GSK3B: variants seen among roughly 807,000 people sequenced by gnomAD.
The protein encoded by GSK3B is glycogen synthase kinase-3 beta.
In GSK3B, 15 loss-of-function variants were observed where a neutral mutation model predicts 56.4. The ratio of observed to expected loss-of-function variants is 0.27; its 90% confidence interval spans 0.18 to 0.41. The LOEUF (loss-of-function observed/expected upper bound fraction) is 0.41. Among genes scored for constraint, GSK3B ranks in the 10% least tolerant of loss-of-function variants. The pLI is 1.00. For missense variants in GSK3B, 300 were observed against 513.4 expected (o/e 0.58, Z 4.02); for synonymous variants, 181 against 188.9 (o/e 0.96, Z 0.34).
intron 2 of GSK3B, among the ~76,000 whole-genome samples, chr3:119,984,395 TAA>T (rs36165954): frequency 0.028 from 4,014 of 142,054 alleles, 186 homozygotes; most frequent in African/African-American, 0.093. Flanking sequence ...AGAAAAACCT[TAA>T]AAAAAAAAAA....
intron 3 of GSK3B, among the ~76,000 whole-genome samples, chr3:119,934,533 G>C (rs1388558263): frequency 6.6e-6 from 1 of 152,062 alleles, no homozygotes; most frequent in Non-Finnish European, 1.5e-5. Context: ...TTGTAATGAG[G>C]GATCCTCAAT....
At chr3:119,864,591 T>G (rs1374161170) in intron 8 of GSK3B, among the ~76,000 whole-genome samples, 3 of 152,122 alleles carry the variant, frequency 2.0e-5, no homozygotes, top group African/African-American at 7.2e-5. Context: ...AAGTAGACAC[T>G]TATAAATGGA....
chr3:119,843,718 A>T (rs1156608870), intron 9 of GSK3B: 1 of 157,786 alleles, frequency 6.3e-6, no homozygotes, highest in Non-Finnish European at 1.4e-5. Flanking sequence ...CCCACACAAT[A>T]ACAGTGGGAG....
chr3:119,882,291 G>C (rs2056388668), intron 7 of GSK3B, among the ~76,000 whole-genome samples: 1 of 151,846 alleles, frequency 6.6e-6, no homozygotes, highest in Non-Finnish European at 1.5e-5. Context: ...TTTATTTAAG[G>C]TATACCATGT....
chr3:119,870,734 G>C (rs773297640), intron 8 of GSK3B, among the ~76,000 whole-genome samples: 2 of 152,158 alleles, frequency 1.3e-5, no homozygotes, highest in Non-Finnish European at 2.9e-5. Context: ...CATACTATAT[G>C]TATTTGTGAG....
chr3:119,967,596 T>C (rs1470486957), intron 2 of GSK3B, among the ~76,000 whole-genome samples: 5 of 152,152 alleles, frequency 3.3e-5, no homozygotes, highest in Non-Finnish European at 7.4e-5. Flanking sequence ...CAAAAATGTT[T>C]ATAGCCAACA....
At chr3:119,885,029 G>A (rs1385065035) in intron 7 of GSK3B, among the ~76,000 whole-genome samples, 1 of 151,868 alleles carries the variant, frequency 6.6e-6, no homozygotes, top group African/African-American at 2.4e-5. Context: ...CATCCAAATA[G>A]AAAAATAAGT....
chr3:120,024,216 G>C (rs1266751906), intron 1 of GSK3B, among the ~76,000 whole-genome samples: 1 of 151,952 alleles, frequency 6.6e-6, no homozygotes, highest in Admixed American at 6.6e-5. Flanking sequence ...CACACCAGTG[G>C]TCCCAGCTAC....
At position 119,921,376 on chromosome 3, in the gene GSK3B, T is replaced by A. The variant is rs1480321066; in HGVS notation, c.477+1997A>T. 2.6e-5 allele frequency among the ~76,000 whole-genome samples: 4 copies of A among 152,180 alleles called. No homozygotes were observed. In the East Asian group the frequency reaches 7.7e-4, roughly 29 times the overall value. ...TTGTAACCTTTAATGAATTAATGAA[T>A]TTAGGCAGTGATCATCAATGGCTAC... On this transcript the variant is annotated intron_variant, in intron 4 of 10. Transcript: ENST00000264235.
chr3:120,035,620 GTCCA>G (rs2058015896), intron 1 of GSK3B, among the ~76,000 whole-genome samples: 2 of 152,260 alleles, frequency 1.3e-5, no homozygotes, highest in South Asian at 4.1e-4. Flanking sequence ...AACATAGGAT[GTCCA>G]TCCTTTTTTT....
intron 10 of GSK3B, among the ~76,000 whole-genome samples, chr3:119,833,183 G>T (rs1405286738): frequency 7.3e-6 from 1 of 137,250 alleles, no homozygotes; most frequent in East Asian, 2.1e-4. Flanking sequence ...GTTGATCAAA[G>T]GTGCAAATGA....
At chr3:120,032,948 C>G (rs1027068149) in intron 1 of GSK3B, among the ~76,000 whole-genome samples, 2 of 152,186 alleles carry the variant, frequency 1.3e-5, no homozygotes, top group Non-Finnish European at 2.9e-5. Flanking sequence ...GCTTGTGCAA[C>G]CATCACCCCA....
intron 1 of GSK3B, among the ~76,000 whole-genome samples, chr3:120,054,547 C>G (rs1158717436): frequency 6.6e-6 from 1 of 152,188 alleles, no homozygotes; most frequent in African/African-American, 2.4e-5. Context: ...TGGTCACTTG[C>G]CTTCAACACA....
intron 2 of GSK3B, among the ~76,000 whole-genome samples, chr3:119,969,330 C>T (rs2057345602): frequency 6.6e-6 from 1 of 151,480 alleles, no homozygotes; most frequent in Admixed American, 6.6e-5. Context: ...AACTATAAAA[C>T]TGTTACCAAA....
chr3:120,000,116 G>A (rs2057661826), intron 2 of GSK3B, among the ~76,000 whole-genome samples: 1 of 152,120 alleles, frequency 6.6e-6, no homozygotes, highest in Admixed American at 6.6e-5. Context: ...AGAAAAAGAA[G>A]AGACACAGCC....
chr3:120,047,974 C>T (rs2058117206), intron 1 of GSK3B, among the ~76,000 whole-genome samples: 1 of 152,198 alleles, frequency 6.6e-6, no homozygotes, highest in African/African-American at 2.4e-5. Context: ...CCTAGAATAT[C>T]AATGCTGTCC....
At chr3:120,067,883 G>C (rs1280059908) in intron 1 of GSK3B, among the ~76,000 whole-genome samples, 1 of 152,072 alleles carries the variant, frequency 6.6e-6, no homozygotes, top group African/African-American at 2.4e-5. Context: ...ACCTTGTTTT[G>C]AATCTTTAGT....
intron 2 of GSK3B, among the ~76,000 whole-genome samples, chr3:119,959,027 C>T (rs553956786): frequency 6.6e-6 from 1 of 152,330 alleles, no homozygotes; most frequent in South Asian, 2.1e-4. Flanking sequence ...CTAAGGTTTA[C>T]ACAAAAATGA....
chr3:119,850,223 GT>G (rs1158731078), intron 9 of GSK3B, among the ~76,000 whole-genome samples: 1 of 152,148 alleles, frequency 6.6e-6, no homozygotes, highest in Non-Finnish European at 1.5e-5. Flanking sequence ...CGGAGTGCGG[GT>G]GAGGGTGGGG....
Sources: allele counts gnomAD v4.1 joint callset (sites outside exome capture counted in the v4.1 genomes callset), GRCh38; gene constraint gnomAD v4.1.1; transcripts MANE v1.5; gene names NCBI Gene and HGNC (gene_info 2026-07-23, HGNC 2026-07-21).